The following UNC79 variants were observed in gnomAD, a reference collection of about 807,000 sequenced individuals.
UNC79 encodes the protein protein unc-79 homolog.
Under a neutral mutation model 283.1 loss-of-function variants are expected in UNC79, and 37 were observed. The ratio of observed to expected loss-of-function variants is 0.13; its 90% CI spans 0.10 to 0.17. The LOEUF is 0.17. Among genes scored for constraint, UNC79 ranks in the 10% least tolerant of loss-of-function variants. The pLI, the probability that UNC79 is intolerant of heterozygous loss-of-function variation, is 1.00. For missense variants in UNC79, 2,272 were observed against 3,211.1 expected (o/e 0.71, Z 7.07); for synonymous variants, 1,107 against 1,200.2 (o/e 0.92, Z 1.61).
rs1396599128 is a variant in UNC79 at position 93,531,157 on chromosome 14, A to T, written c.1094-1393A>T. ...ATTCATCTTTAGAGGAATATTGGCA[A>T]TAACTTTTCATTACTTATACAGACA... is the stretch of plus-strand genomic sequence containing the variant. On this transcript the variant is annotated intron_variant, in intron 10 of 48. Coordinates refer to ENST00000555664, the Ensembl canonical transcript of UNC79. The surrounding 1 kb of genome is among the most constrained non-coding windows in gnomAD (Gnocchi z 4.2). 4.6e-5 allele frequency among the ~76,000 whole-genome samples: 7 copies of T among 152,204 alleles called. No individual in the cohort carries two copies. The highest frequency in any genetic ancestry group is 1.0e-4 in the Non-Finnish European group (7 of 68,038).
intron 23 of UNC79, among the ~76,000 whole-genome samples, chr14:93,594,500 C>A (rs1172618534): frequency 2.0e-5 from 3 of 152,160 alleles, no homozygotes; most frequent in Non-Finnish European, 2.9e-5. Flanking sequence ...GAACTCCTGA[C>A]CTCAGGTGAT....
rs139409693 is a variant in UNC79 at position 93,601,638 on chromosome 14, C to T, written c.3574+868C>T. Reference sequence around the variant, plus strand: ...AGACCCAGTAGTGGGATTGCTGGATCAAATGGTAGTTCCACTTTTAGTTCT... The same window carrying T: ...AGACCCAGTAGTGGGATTGCTGGATTAAATGGTAGTTCCACTTTTAGTTCT... On this transcript the variant is annotated intron_variant, in intron 25 of 48. Coordinates refer to ENST00000555664, the Ensembl canonical transcript of UNC79. Among the ~76,000 whole-genome samples, 941 of 152,302 alleles carry T rather than the reference C, an allele frequency of 6.2e-3. 7 individuals are homozygous for T. The highest frequency in any genetic ancestry group is 0.041 in the Middle Eastern group (12 of 294).
intron 10 of UNC79, among the ~76,000 whole-genome samples, chr14:93,529,835 A>G (rs1250891618): frequency 6.6e-6 from 1 of 152,218 alleles, no homozygotes; most frequent in Non-Finnish European, 1.5e-5. Flanking sequence ...CTCAATGGAA[A>G]GACAAGATTG....
chr14:93,564,059 T>C (rs576129486), intron 14 of UNC79, among the ~76,000 whole-genome samples: 1 of 152,276 alleles, frequency 6.6e-6, no homozygotes, highest in Non-Finnish European at 1.5e-5. Flanking sequence ...GTCAAGTTGT[T>C]TGGACAAAAA....
At chr14:93,577,955 T>C (rs1207270923) in exon 18 of UNC79, 1 of 1,614,230 alleles carries the variant, frequency 6.2e-7, no homozygotes, top group East Asian at 2.2e-5. Flanking sequence ...TTCGTAGCCC[T>C]TTCAAGAATT....
At chr14:93,603,511 G>A in intron 26 of UNC79, 93 bp downstream of exon 26, 4 of 1,414,568 alleles carry the variant, frequency 2.8e-6, no homozygotes, top group East Asian at 5.0e-5. Flanking sequence ...AGTATAGCAT[G>A]TTTAGCAAAC....
upstream of UNC79, among the ~76,000 whole-genome samples, chr14:93,426,145 G>A (rs1054914999): frequency 6.6e-6 from 1 of 152,076 alleles, no homozygotes; most frequent in Admixed American, 6.6e-5. Flanking sequence ...AAAGATGTTA[G>A]TTTATTATCT....
rs537690879 is a variant in UNC79, at chr14:93,683,949, A to G, written c.6819+1255A>G. Among the ~76,000 whole-genome samples the G allele has an allele frequency of 2.6e-5, 4 of 152,220 alleles. No individual in the cohort carries two copies. In the East Asian group the frequency reaches 7.7e-4, roughly 29 times the overall value. ...TGAGTTTGGAAATGATTATACATTC[A>G]TGAAACTACTACTGTGATCTATGCC... On this transcript the variant is annotated intron_variant, in intron 42 of 48. Transcript: ENST00000555664.
Position 93,430,567 on chromosome 14 carries a change from G to A in UNC79, c.-463G>A, listed in dbSNP as rs938591149. The A allele has an allele frequency of 3.9e-5, 6 of 153,968 alleles. No individual in the cohort carries two copies. Among genetic ancestry groups the A allele is most frequent in the Non-Finnish European group, 8.7e-5 (6 of 69,180 alleles). The allele number at this position is 153,968 out of a possible 1,614,324, so 9.5% of individuals were successfully genotyped here. The stretch of plus-strand genomic sequence containing the variant: ...CTCCGGGAGCAGGATTTACAGGCCC[G>A]GAGAACGCCAATGGGAGATCCAAAT... On this transcript the variant is annotated 5_prime_UTR_variant, in exon 1 of 49. Transcript: ENST00000555664. The surrounding 1 kb of genome is among the most constrained non-coding windows in gnomAD (Gnocchi z 4.6).
chr14:93,675,916 A>G (rs2073303426), intron 41 of UNC79, among the ~76,000 whole-genome samples: 1 of 152,198 alleles, frequency 6.6e-6, no homozygotes, highest in Non-Finnish European at 1.5e-5. Flanking sequence ...AGTCACAGCC[A>G]GAAAATATCT....
chr14:93,539,878 A>G (rs1408691280), intron 12 of UNC79, among the ~76,000 whole-genome samples: 1 of 152,224 alleles, frequency 6.6e-6, no homozygotes, highest in Non-Finnish European at 1.5e-5. Flanking sequence ...AGTGGATATA[A>G]TATTAATCTA....
chr14:93,506,349 A>G (rs1484294343), intron 7 of UNC79, among the ~76,000 whole-genome samples: 1 of 151,828 alleles, frequency 6.6e-6, no homozygotes. Flanking sequence ...CGGCCTCCTG[A>G]GTAGCTGGGA....
At chr14:93,508,565 T>G (rs923031762) in intron 7 of UNC79, among the ~76,000 whole-genome samples, 2 of 152,302 alleles carry the variant, frequency 1.3e-5, no homozygotes, top group South Asian at 4.1e-4. Flanking sequence ...CTCTCAGTGG[T>G]GCTCTGTATT....
chr14:93,528,632 C>T (rs140963815), exon 9 of UNC79: 14 of 1,613,404 alleles, frequency 8.7e-6, no homozygotes, highest in African/African-American at 4.0e-5. Context: ...AAGAATGCAG[C>T]GAGAGGATTG....
At chr14:93,443,583 C>G (rs1224058131) in intron 1 of UNC79, among the ~76,000 whole-genome samples, 1 of 151,940 alleles carries the variant, frequency 6.6e-6, no homozygotes, top group Admixed American at 6.6e-5. Context: ...ACCACCATGC[C>G]CGGCTAATTT....
chr14:93,588,707 C>A (rs982211631), intron 22 of UNC79, among the ~76,000 whole-genome samples: 2 of 140,972 alleles, frequency 1.4e-5, no homozygotes, highest in Non-Finnish European at 3.0e-5. Flanking sequence ...TGCCACTACA[C>A]TCCAGCCTGG....
chr14:93,377,288 G>A (rs1334442357), intron 1 of UNC79, among the ~76,000 whole-genome samples: 1 of 151,896 alleles, frequency 6.6e-6, no homozygotes, highest in Non-Finnish European at 1.5e-5. Flanking sequence ...TAGAGATGGG[G>A]TTTCACCATG....
At chr14:93,668,410 T>C (rs564460580) in intron 40 of UNC79, among the ~76,000 whole-genome samples, 7 of 152,116 alleles carry the variant, frequency 4.6e-5, no homozygotes, top group Admixed American at 1.3e-4. Context: ...AAAAGATAAA[T>C]CTATTAAGAA....
At chr14:93,526,392 T>C (rs528717154) in intron 8 of UNC79, among the ~76,000 whole-genome samples, 22 of 152,336 alleles carry the variant, frequency 1.4e-4, no homozygotes, top group African/African-American at 4.8e-4. Flanking sequence ...TATAGTATGA[T>C]GTTTAAAAGT....
Sources: gnomAD v4.1 joint callset for allele counts (sites outside exome capture counted in the v4.1 genomes callset) on GRCh38, gnomAD v4.1.1 for gene constraint, Gnocchi (gnomAD v3.1) non-coding constraint, MANE v1.5 for transcripts, NCBI Gene and HGNC (gene_info 2026-07-23, HGNC 2026-07-21) for gene names.